The following CDH2 variants were observed in gnomAD, a reference collection of about 807,000 sequenced individuals.
CDH2 encodes cadherin 2.
In CDH2, 17 loss-of-function variants were observed where a neutral mutation model predicts 92.0. The observed-to-expected ratio is 0.18, with a 90% CI of 0.13 to 0.28. The LOEUF is 0.28. CDH2 is among the 10% of genes least tolerant of loss of function. CDH2 has a pLI of 1.00. For synonymous variants in CDH2, 419 were observed against 415.9 expected (o/e 1.01, Z -0.09); for missense variants, 862 against 1,133.1 (o/e 0.76, Z 3.44).
At chr18:28,099,301 T>G (rs2015189482) in intron 2 of CDH2, among the ~76,000 whole-genome samples, 2 of 152,310 alleles carry the variant, frequency 1.3e-5, no homozygotes, top group African/African-American at 2.4e-5. Context: ...ACCATTTACC[T>G]TAACCATTGG....
At chr18:27,963,807 T>TA in intron 14 of CDH2, 2 of 315,258 alleles carry the variant, frequency 6.3e-6, no homozygotes, top group Non-Finnish European at 1.2e-5. Context: ...ATAAAACAAC[T>TA]AAAAAACCGA....
chr18:28,150,482 G>C (rs556445597), intron 1 of CDH2, among the ~76,000 whole-genome samples: 8 of 152,260 alleles, frequency 5.3e-5, no homozygotes, highest in Admixed American at 4.6e-4. Flanking sequence ...GGACTTCAGG[G>C]CCATGTCGAA....
chr18:28,039,009 G>C (rs1252119137), intron 2 of CDH2, among the ~76,000 whole-genome samples: 2 of 152,144 alleles, frequency 1.3e-5, no homozygotes, highest in African/African-American at 2.4e-5. Context: ...AAAAATCTTT[G>C]AATGTATTAA....
At chr18:28,161,349 C>T (rs1256005638) in intron 1 of CDH2, among the ~76,000 whole-genome samples, 4 of 152,034 alleles carry the variant, frequency 2.6e-5, no homozygotes, top group Non-Finnish European at 4.4e-5. Flanking sequence ...TAGGCCAAGG[C>T]GGGCATATCA....
chr18:28,086,730 T>C (rs1191201272), intron 2 of CDH2, among the ~76,000 whole-genome samples: 1 of 152,116 alleles, frequency 6.6e-6, no homozygotes, highest in Non-Finnish European at 1.5e-5. Flanking sequence ...GCCTATGCTC[T>C]CATCTCATTA....
At chr18:28,107,787 T>C (rs2015346608) in intron 2 of CDH2, among the ~76,000 whole-genome samples, 1 of 150,952 alleles carries the variant, frequency 6.6e-6, no homozygotes, top group African/African-American at 2.4e-5. Context: ...ATTAGCCATT[T>C]AAAAAAAAAG....
intron 2 of CDH2, among the ~76,000 whole-genome samples, chr18:28,130,897 C>T (rs932087901): frequency 3.3e-5 from 5 of 151,982 alleles, no homozygotes; most frequent in Non-Finnish European, 7.4e-5. Flanking sequence ...GATGAGGTAC[C>T]CTTGAAAAAG....
intron 1 of CDH2, among the ~76,000 whole-genome samples, chr18:28,152,384 C>CT (rs2144335875): frequency 6.6e-6 from 1 of 152,254 alleles, no homozygotes; most frequent in East Asian, 1.9e-4. Context: ...AGCCCCTGCC[C>CT]TTAAGGAGCT....
chr18:27,960,629 A>G (rs1332129911), intron 15 of CDH2, among the ~76,000 whole-genome samples: 1 of 152,202 alleles, frequency 6.6e-6, no homozygotes, highest in Non-Finnish European at 1.5e-5. Context: ...ATCGATGTCT[A>G]ATTTATGCTT....
chr18:28,068,966 G>C (rs1567986070), intron 2 of CDH2, among the ~76,000 whole-genome samples: 1 of 152,086 alleles, frequency 6.6e-6, no homozygotes, highest in Non-Finnish European at 1.5e-5. Flanking sequence ...TTGGAAAACA[G>C]AAAAACACAA....
intron 2 of CDH2, among the ~76,000 whole-genome samples, chr18:28,039,164 T>TG (rs2013898375): frequency 6.6e-6 from 1 of 152,140 alleles, no homozygotes; most frequent in East Asian, 1.9e-4. Flanking sequence ...TTCATTTCTC[T>TG]CCTTTCCACA....
intron 14 of CDH2, among the ~76,000 whole-genome samples, chr18:27,969,957 G>GCC (rs1346655985): frequency 6.6e-6 from 1 of 152,158 alleles, no homozygotes; most frequent in Non-Finnish European, 1.5e-5. Flanking sequence ...CCAAGATCGT[G>GCC]CCATTGCACT....
intron 2 of CDH2, among the ~76,000 whole-genome samples, chr18:28,144,407 T>C (rs1002941612): frequency 1.3e-5 from 2 of 151,894 alleles, no homozygotes; most frequent in African/African-American, 4.8e-5. Flanking sequence ...AATGACAATA[T>C]ATTATGAAAT....
chr18:28,155,850 A>C (rs2016201287), intron 1 of CDH2, among the ~76,000 whole-genome samples: 1 of 152,294 alleles, frequency 6.6e-6, no homozygotes, highest in Middle Eastern at 3.4e-3. Context: ...AGGCTATGTT[A>C]AGAAGACTAT....
intron 8 of CDH2, 50 bp from the exon 9 acceptor site, chr18:27,992,890 GACA>G: frequency 7.0e-7 from 1 of 1,436,382 alleles, no homozygotes; most frequent in Non-Finnish European, 9.6e-7. Flanking sequence ...ACCACTGAAG[GACA>G]ACTTGTCTTG....
At chr18:28,159,998 T>C (rs1402348853) in intron 1 of CDH2, among the ~76,000 whole-genome samples, 1 of 152,090 alleles carries the variant, frequency 6.6e-6, no homozygotes, top group Non-Finnish European at 1.5e-5. Context: ...GCCTTGATTG[T>C]GTAGGGTGGC....
chr18:27,968,103 C>T (rs1360227111), intron 14 of CDH2, among the ~76,000 whole-genome samples: 1 of 152,192 alleles, frequency 6.6e-6, no homozygotes, highest in Admixed American at 6.5e-5. Flanking sequence ...AGAAAGCAAG[C>T]AAGCAACCTT....
At chr18:28,047,914 G>C (rs185559009) in intron 2 of CDH2, among the ~76,000 whole-genome samples, 1 of 146,932 alleles carries the variant, frequency 6.8e-6, no homozygotes, top group East Asian at 2.0e-4. Flanking sequence ...TGGTAAGTTT[G>C]AATTGTGATA....
At chr18:28,055,480 A>T (rs2014273425) in intron 2 of CDH2, among the ~76,000 whole-genome samples, 1 of 152,174 alleles carries the variant, frequency 6.6e-6, no homozygotes, top group Non-Finnish European at 1.5e-5. Flanking sequence ...TAATTGAAAG[A>T]GTGATAGTGT....
Sources: allele counts gnomAD v4.1 joint callset (sites outside exome capture counted in the v4.1 genomes callset), GRCh38; gene constraint gnomAD v4.1.1; transcripts MANE v1.5; gene names NCBI Gene and HGNC (gene_info 2026-07-23, HGNC 2026-07-21).